Variants in SLC1A1 observed in about 807,000 individuals in gnomAD.
SLC1A1 encodes solute carrier family 1 member 1.
Under a neutral mutation model 53.3 loss-of-function variants are expected in SLC1A1, and 43 were observed. The ratio of observed to expected loss-of-function variants is 0.81; its 90% CI spans 0.63 to 1.04. The LOEUF (loss-of-function observed/expected upper bound fraction) is 1.04. Ranked by LOEUF, SLC1A1 falls within the 50% of genes least tolerant of loss-of-function variation. The probability of loss-of-function intolerance (pLI) is 0.00; values close to 1 mark genes in which losing one functional copy is unlikely to be tolerated. For synonymous variants in SLC1A1, 307 were observed against 243.2 expected, an observed-to-expected ratio of 1.26 and a Z score of -2.44; for missense variants, 748 against 664.9, an observed-to-expected ratio of 1.12 and a Z score of -1.37.
intron 2 of SLC1A1, among the ~76,000 whole-genome samples, chr9:4,555,212 G>T (rs751154237): frequency 6.6e-6 from 1 of 152,236 alleles, no homozygotes; most frequent in African/African-American, 2.4e-5. Context: ...CACATGGCGA[G>T]TTTTAACTCC....
At chr9:4,582,536 T>C (rs1161129342) in intron 10 of SLC1A1, among the ~76,000 whole-genome samples, 3 of 152,240 alleles carry the variant, frequency 2.0e-5, no homozygotes, top group African/African-American at 7.2e-5. Context: ...ACTATCCTTC[T>C]GTCCATCCTT....
chr9:4,524,759 A>G (rs1388874522), intron 1 of SLC1A1, among the ~76,000 whole-genome samples: 1 of 152,192 alleles, frequency 6.6e-6, no homozygotes, highest in East Asian at 1.9e-4. Flanking sequence ...AGAGAAGATC[A>G]AAGGGGAAGC....
At chr9:4,576,288 C>T (rs1425847466) in intron 9 of SLC1A1, among the ~76,000 whole-genome samples, 165 bp downstream of exon 9, 1 of 152,234 alleles carries the variant, frequency 6.6e-6, no homozygotes, top group Non-Finnish European at 1.5e-5. Context: ...CATGCTGTTG[C>T]ATATTTCCTG....
rs1817747932 is a variant in SLC1A1, at chr9:4,549,422, T to G, written c.232+4715T>G. On this transcript the variant is annotated intron_variant, in intron 2 of 11. Transcript: ENST00000262352. The surrounding 1 kb of genome is among the most constrained non-coding windows in gnomAD (Gnocchi z 4.1). Reference sequence around the variant, plus strand: ...ACACTTCTACTCAGGACATAATCTTTGCTAAAGGTAACCAAAAGCAGATGA... The same window carrying G: ...ACACTTCTACTCAGGACATAATCTTGGCTAAAGGTAACCAAAAGCAGATGA... Among the ~76,000 whole-genome samples, 1 of 152,166 alleles carries G rather than the reference T, an allele frequency of 6.6e-6. No homozygotes were observed. The highest frequency in any genetic ancestry group is 2.1e-4 in the South Asian group (1 of 4,822).
intron 1 of SLC1A1, among the ~76,000 whole-genome samples, chr9:4,543,831 A>G (rs541818787): frequency 6.9e-4 from 105 of 152,194 alleles, no homozygotes; most frequent in Non-Finnish European, 1.4e-3. Flanking sequence ...TATACCATAA[A>G]AAGTACTTAT....
chr9:4,581,604 G>C (rs1821104361), intron 10 of SLC1A1, among the ~76,000 whole-genome samples: 1 of 152,188 alleles, frequency 6.6e-6, no homozygotes, highest in Non-Finnish European at 1.5e-5. Flanking sequence ...TTCTGACAAA[G>C]AAAACCTGTT....
intron 1 of SLC1A1, among the ~76,000 whole-genome samples, chr9:4,497,609 T>G (rs7032326): frequency 3.3e-5 from 5 of 152,050 alleles, no homozygotes; most frequent in African/African-American, 9.7e-5. Context: ...TAAATTCTCC[T>G]CTGCCTGTTT....
At chr9:4,584,195 G>T (rs1032210923) in intron 11 of SLC1A1, among the ~76,000 whole-genome samples, 1 of 152,210 alleles carries the variant, frequency 6.6e-6, no homozygotes, top group African/African-American at 2.4e-5. Flanking sequence ...ATCCTATTGG[G>T]CTTGAAAACA....
intron 1 of SLC1A1, among the ~76,000 whole-genome samples, chr9:4,516,819 G>A (rs1293574195): frequency 1.3e-5 from 2 of 152,042 alleles, no homozygotes; most frequent in Non-Finnish European, 2.9e-5. Context: ...GGGAACTTAG[G>A]GTCAGAGAAG....
intron 1 of SLC1A1, among the ~76,000 whole-genome samples, chr9:4,500,656 A>T (rs1820600772): frequency 6.6e-6 from 1 of 152,178 alleles, no homozygotes; most frequent in African/African-American, 2.4e-5. Context: ...CTTGCTGAGG[A>T]ACAGCCCCAA....
intron 1 of SLC1A1, among the ~76,000 whole-genome samples, chr9:4,537,262 T>C (rs1432988479): frequency 1.5e-5 from 2 of 136,334 alleles, no homozygotes; most frequent in Non-Finnish European, 3.2e-5. Context: ...AATTGCTTTT[T>C]AAAAAAATCA....
At chr9:4,495,874 G>C (rs186257327) in intron 1 of SLC1A1, among the ~76,000 whole-genome samples, 1 of 152,168 alleles carries the variant, frequency 6.6e-6, no homozygotes, top group Non-Finnish European at 1.5e-5. Flanking sequence ...GCAAAACAGA[G>C]AGTCCTGGAA....
intron 1 of SLC1A1, among the ~76,000 whole-genome samples, chr9:4,505,045 C>CTTTCT (rs1554674853): frequency 3.5e-5 from 4 of 115,002 alleles, no homozygotes; most frequent in Non-Finnish European, 6.9e-5. Flanking sequence ...ACATATATTT[C>CTTTCT]TTTTTTTTTT....
chr9:4,519,827 G>T (rs1816001564), intron 1 of SLC1A1, among the ~76,000 whole-genome samples: 1 of 152,158 alleles, frequency 6.6e-6, no homozygotes, highest in Admixed American at 6.5e-5. Flanking sequence ...TCTTCACCTA[G>T]ATTGTAAACC....
At chr9:4,531,598 C>A (rs1391816770) in intron 1 of SLC1A1, among the ~76,000 whole-genome samples, 1 of 152,200 alleles carries the variant, frequency 6.6e-6, no homozygotes, top group African/African-American at 2.4e-5. Flanking sequence ...CTCAAGGAGG[C>A]CTGCCTGCCT....
chr9:4,529,439 T>C (rs1443277282), intron 1 of SLC1A1, among the ~76,000 whole-genome samples: 1 of 152,200 alleles, frequency 6.6e-6, no homozygotes, highest in African/African-American at 2.4e-5. Context: ...GTCTCTACTC[T>C]TTTGATGAAA....
At chr9:4,499,869 C>T (rs999568832) in intron 1 of SLC1A1, among the ~76,000 whole-genome samples, 1 of 152,210 alleles carries the variant, frequency 6.6e-6, no homozygotes, top group African/African-American at 2.4e-5. Context: ...CAAATGAAAA[C>T]ACGCTGTGTA....
chr9:4,490,916 G>C (rs1820211823), intron 1 of SLC1A1, 146 bp downstream of exon 1: 1 of 665,992 alleles, frequency 1.5e-6, no homozygotes, highest in Non-Finnish European at 2.6e-6. Context: ...GGCCCCCTGC[G>C]GGGGCTTTCC....
intron 11 of SLC1A1, among the ~76,000 whole-genome samples, chr9:4,584,336 A>C (rs1442499739): frequency 6.6e-6 from 1 of 152,210 alleles, no homozygotes; most frequent in Non-Finnish European, 1.5e-5. Context: ...ATATCCTATC[A>C]TTGAGTCAAG....
Sources: allele counts gnomAD v4.1 joint callset (sites outside exome capture counted in the v4.1 genomes callset), GRCh38; gene constraint gnomAD v4.1.1; non-coding constraint Gnocchi (gnomAD v3.1); transcripts MANE v1.5; gene names NCBI Gene and HGNC (gene_info 2026-07-23, HGNC 2026-07-21).